Variants in STK38 observed in about 807,000 individuals in gnomAD.
The protein encoded by STK38 is serine/threonine kinase 38.
Under a neutral mutation model 59.0 loss-of-function variants are expected in STK38, and 26 were observed. The ratio of observed to expected loss-of-function variants is 0.44; its 90% CI spans 0.32 to 0.61. STK38 has a LOEUF of 0.61. Ranked by LOEUF, STK38 falls within the 20% of genes least tolerant of loss-of-function variation. STK38 has a pLI of 0.04. For missense variants in STK38, 433 were observed against 566.0 expected (o/e 0.76, Z 2.38); for synonymous variants, 175 against 176.6 (o/e 0.99, Z 0.07).
intron 2 of STK38, 100 bp downstream of exon 2, chr6:36,539,972 C>A: frequency 1.9e-6 from 3 of 1,540,578 alleles, no homozygotes; most frequent in Non-Finnish European, 2.6e-6. Flanking sequence ...TATAATAAGG[C>A]TGCTACTATT....
chr6:36,533,518 G>A (rs1048057044), intron 2 of STK38, among the ~76,000 whole-genome samples: 1 of 151,988 alleles, frequency 6.6e-6, no homozygotes, highest in South Asian at 2.1e-4. Flanking sequence ...CTTTTAGAAG[G>A]CTTTTCTATC....
Position 36,504,994 on chromosome 6 carries a change from T to C in STK38, c.834+1589A>G, listed in dbSNP as rs1369759562. ...TTCCTTACCTTCTGTTTCCAAAAAA[T>C]AGATAAATATTAGTTTCCCAACAAC... is the stretch of plus-strand genomic sequence containing the variant. On this transcript the variant is annotated intron_variant, in intron 9 of 13. Transcript: ENST00000229812. Among the ~76,000 whole-genome samples the C allele has an allele frequency of 3.0e-5, 4 of 131,880 alleles. No individual in the cohort carries two copies. In the East Asian group the frequency reaches 8.7e-4, roughly 29 times the overall value. 86.5% of individuals were successfully genotyped at this position (131,880 alleles called of 152,430 possible).
chr6:36,499,789 CTGCCA>C, intron 10 of STK38, 79 bp downstream of exon 10: 1 of 1,088,278 alleles, frequency 9.2e-7, no homozygotes, highest in Non-Finnish European at 1.4e-6. Flanking sequence ...ACTTAGATCA[CTGCCA>C]ATTGAAACAG....
chr6:36,543,267 G>A (rs867880130), intron 1 of STK38, among the ~76,000 whole-genome samples: 14 of 151,810 alleles, frequency 9.2e-5, no homozygotes, highest in African/African-American at 2.4e-4. Flanking sequence ...GGGTTTCACC[G>A]TGTTAGCCAG....
chr6:36,537,048 GACAA>G (rs969118695), intron 2 of STK38, among the ~76,000 whole-genome samples: 60 of 152,150 alleles, frequency 3.9e-4, no homozygotes, highest in African/African-American at 1.3e-3. Context: ...TGATATGTAG[GACAA>G]ACAAAGAACT....
intron 2 of STK38, 132 bp from the exon 3 acceptor site, chr6:36,525,774 C>CA (rs1405650935): frequency 2.3e-5 from 15 of 645,884 alleles, no homozygotes; most frequent in African/African-American, 5.7e-5. Flanking sequence ...CTCATTAAAA[C>CA]AAAAAAAATT....
chr6:36,532,661 A>G (rs1320294032), intron 2 of STK38, among the ~76,000 whole-genome samples: 28 of 151,950 alleles, frequency 1.8e-4, no homozygotes, highest in Admixed American at 1.8e-3. Flanking sequence ...CACTCTGGGA[A>G]GCTGAGGCGG....
chr6:36,546,498 G>T (rs900208894), intron 1 of STK38, among the ~76,000 whole-genome samples: 1 of 152,170 alleles, frequency 6.6e-6, no homozygotes, highest in Non-Finnish European at 1.5e-5. Flanking sequence ...ACCCTCCTCG[G>T]TGCATTTCAA....
chr6:36,514,872 G>T (rs892984981), intron 7 of STK38, among the ~76,000 whole-genome samples: 6 of 149,740 alleles, frequency 4.0e-5, no homozygotes, highest in Non-Finnish European at 7.4e-5. Flanking sequence ...AAAAAAAGAG[G>T]CTGGGCAGGA....
intron 7 of STK38, among the ~76,000 whole-genome samples, chr6:36,508,300 C>T (rs1777017696): frequency 6.6e-6 from 1 of 152,062 alleles, no homozygotes; most frequent in Admixed American, 6.5e-5. Flanking sequence ...TTTACCTTAC[C>T]ATCCCCCTAA....
At chr6:36,514,725 T>TAA (rs1777206778) in intron 7 of STK38, among the ~76,000 whole-genome samples, 1 of 151,450 alleles carries the variant, frequency 6.6e-6, no homozygotes, top group African/African-American at 2.4e-5. Flanking sequence ...TGCATGCCTG[T>TAA]AATCCCAGCT....
rs1334196660 is a variant in STK38, at chr6:36,507,466, G to A, written c.772+34C>T. The A allele has an allele frequency of 1.3e-5, 20 of 1,581,900 alleles. No homozygotes were observed. In the East Asian group the frequency reaches 4.3e-4, roughly 34 times the overall value. The stretch of plus-strand genomic sequence containing the variant: ...GAAACAGCTCTTCTAGGCCCAGTTA[G>A]AACGAAAAGGCTAACGTAATTGTTA... On this transcript the variant is annotated intron_variant, in intron 8 of 13. Transcript: ENST00000229812.
At chr6:36,513,122 T>C (rs954554397) in intron 7 of STK38, among the ~76,000 whole-genome samples, 1 of 151,748 alleles carries the variant, frequency 6.6e-6, no homozygotes, top group Non-Finnish European at 1.5e-5. Flanking sequence ...TGGGTTCAAG[T>C]GATTCTCCTG....
At position 36,497,859 on chromosome 6, in the gene STK38, C is replaced by A; in HGVS notation, c.1093G>T (p.Glu365Ter). ...ACTCCAGGAGCTCCAATTCTATGTTCCCATTCACAGCAGAACCTGGAAAAG... is the reference window on the plus strand; with the variant it reads ...ACTCCAGGAGCTCCAATTCTATGTTACCATTCACAGCAGAACCTGGAAAAG... ...DLILRFCCEW[E>*]HRIGAPGVEE... is the part of the protein sequence containing the mutation. The change falls in exon 12 of 14, where the codon GAA becomes TAA. Residue 365 changes from glutamate (E) to a stop codon, truncating the protein, a stop_gained. Transcript: ENST00000229812. LOFTEE classifies it high-confidence loss of function. The A allele has an allele frequency of 6.2e-7, 1 of 1,613,370 alleles. No homozygotes were observed. The highest frequency in any genetic ancestry group is 8.5e-7 in the Non-Finnish European group (1 of 1,179,840).
At chr6:36,507,941 T>TTC (rs2127471227) in intron 7 of STK38, among the ~76,000 whole-genome samples, 1 of 148,574 alleles carries the variant, frequency 6.7e-6, no homozygotes, top group African/African-American at 2.5e-5. Flanking sequence ...TTTTTTTTTT[T>TTC]TTTTTTTTTT....
At chr6:36,539,186 G>A (rs1180289475) in intron 2 of STK38, among the ~76,000 whole-genome samples, 1 of 151,866 alleles carries the variant, frequency 6.6e-6, no homozygotes, top group African/African-American at 2.4e-5. Flanking sequence ...AGGAGTTCAA[G>A]ACCAGCCTGG....
chr6:36,495,776 C>T lies in STK38; in HGVS notation c.*8G>A. On this transcript the variant is annotated 3_prime_UTR_variant, in exon 14 of 14. Coordinates refer to ENST00000229812, the MANE Select transcript of STK38 (RefSeq NM_007271.4). ...CTCTGCTCCACATAGGATTCCGTGG[C>T]AAGAGTACTATTTTGCTGCTTTCAT... 2 of 1,613,702 alleles carry T rather than the reference C, an allele frequency of 1.2e-6. No individual in the cohort carries two copies. Among genetic ancestry groups the T allele is most frequent in the Non-Finnish European group, 8.5e-7 (1 of 1,179,748 alleles).
At chr6:36,539,074 T>C (rs544884623) in intron 2 of STK38, among the ~76,000 whole-genome samples, 136 of 150,944 alleles carry the variant, frequency 9.0e-4, no homozygotes, top group African/African-American at 3.1e-3. Context: ...TAGTAAAATA[T>C]TGGGAAAAAT....
At chr6:36,528,100 CTCCA>C (rs1222944704) in intron 2 of STK38, among the ~76,000 whole-genome samples, 4 of 150,956 alleles carry the variant, frequency 2.6e-5, no homozygotes, top group Non-Finnish European at 5.9e-5. Context: ...CAGAGCGAGA[CTCCA>C]TCTCAAAAAA....
Sources: gnomAD v4.1 joint callset for allele counts (sites outside exome capture counted in the v4.1 genomes callset) on GRCh38, gnomAD v4.1.1 for gene constraint, MANE v1.5 for transcripts, NCBI Gene and HGNC (gene_info 2026-07-23, HGNC 2026-07-21) for gene names.